ZNF320: variants seen among roughly 807,000 people sequenced by gnomAD.
ZNF320 encodes the protein zinc finger gene 320.
In ZNF320, 2 loss-of-function variants were observed where a neutral mutation model predicts 6.8. The observed-to-expected ratio is 0.29, with a 90% confidence interval of 0.12 to 0.93. ZNF320 has a LOEUF of 0.93. Among genes scored for constraint, ZNF320 ranks in the 40% least tolerant of loss-of-function variants. The pLI, the probability that ZNF320 is intolerant of heterozygous loss-of-function variation, is 0.55. For synonymous variants in ZNF320, 208 were observed against 203.2 expected, an observed-to-expected ratio of 1.02 and a Z score of -0.20; for missense variants, 472 against 611.0, an observed-to-expected ratio of 0.77 and a Z score of 2.40.
chr19:52,904,082 G>A, the ZNF320 span, among the ~76,000 whole-genome samples: 1 of 152,098 alleles, frequency 6.6e-6, no homozygotes, highest in African/African-American at 2.4e-5. Context: ...AGGTGGAGTG[G>A]GGCAAGTTCC....
At chr19:52,886,997 G>GGAAGGAAGGAAGGAAGGAAGGAAT (rs1491355437) in intron 5 of ZNF320, among the ~76,000 whole-genome samples, 1 of 78,852 alleles carries the variant, frequency 1.3e-5, no homozygotes, top group African/African-American at 5.3e-5. Context: ...AAGGAAGGAA[G>GGAAGGAAGGAAGGAAGGAAGGAAT]GAAGGAAGGA....
chr19:52,867,974 A>G (rs1395886375), intron 5 of ZNF320, among the ~76,000 whole-genome samples: 5 of 151,748 alleles, frequency 3.3e-5, no homozygotes, highest in East Asian at 2.0e-4. Context: ...CAAACTCCTC[A>G]CCTCAAGCAA....
intron 5 of ZNF320, among the ~76,000 whole-genome samples, chr19:52,867,074 C>T (rs2063588760): frequency 6.6e-6 from 1 of 151,566 alleles, no homozygotes; most frequent in Non-Finnish European, 1.5e-5. Context: ...TCAGAGAAAA[C>T]ATAGTATAAA....
Position 52,881,433 on chromosome 19 carries a change from G to T in ZNF320, c.693C>A (p.Thr231=), listed in dbSNP as rs757460093. 1 of 1,613,386 alleles carries T rather than the reference G, an allele frequency of 6.2e-7. No individual in the cohort carries two copies. The highest frequency in any genetic ancestry group is 1.7e-5 in the Admixed American group (1 of 59,928). The change falls in exon 6 of 6, where the codon ACC becomes ACA. Residue 231 remains threonine, a synonymous_variant. Transcript: ENST00000682928. ...TATGACTTCTATGATGACATGCAAG[G>T]GTTGCTTTTTGATCAAAAACCTTGC... ...ECGKVFDQKA[T]LACHHRSHTG...
At chr19:52,887,669 C>A (rs2064138482) in intron 5 of ZNF320, among the ~76,000 whole-genome samples, 2 of 152,170 alleles carry the variant, frequency 1.3e-5, no homozygotes, top group South Asian at 4.1e-4. Context: ...TCACTGCAAC[C>A]TTGGCCTCCT....
At chr19:52,892,291 C>CA in intron 2 of ZNF320, 1 of 152,200 alleles carries the variant, frequency 6.6e-6, no homozygotes, top group Non-Finnish European at 1.5e-5. Flanking sequence ...CACTTGAACC[C>CA]GGAGGCGGAG....
the ZNF320 span, among the ~76,000 whole-genome samples, chr19:52,903,245 A>T: frequency 2.0e-5 from 3 of 152,242 alleles, no homozygotes; most frequent in Non-Finnish European, 4.4e-5. Context: ...ACTTTTAGCA[A>T]ACTTCACTTT....
chr19:52,879,012 G>A lies in ZNF320; in HGVS notation c.*1584C>T, dbSNP rs1199929374. 2.0e-5 allele frequency: 3 copies of A among 152,132 alleles called. No individual in the cohort carries two copies. The East Asian group carries it at 5.8e-4, about 29-fold the overall frequency. The allele number at this position is 152,132 out of a possible 1,614,324, so 9.4% of individuals were successfully genotyped here. On this transcript the variant is annotated 3_prime_UTR_variant, in exon 6 of 6. Transcript: ENST00000682928. ...CATCGCAAATTTGATGTTTCTTCTTGTTTCAGTTTTAGCAGAATTTACATT... is the reference window on the plus strand; with the variant it reads ...CATCGCAAATTTGATGTTTCTTCTTATTTCAGTTTTAGCAGAATTTACATT...
At chr19:52,898,516 G>T (rs1254669009), upstream of ZNF320, among the ~76,000 whole-genome samples, 1 of 152,202 alleles carries the variant, frequency 6.6e-6, no homozygotes, top group East Asian at 1.9e-4. Flanking sequence ...CATTGACATT[G>T]TAACAGTGTG....
At chr19:52,862,455 C>G (rs1357386191) in exon 6 of ZNF320, 3 of 394,498 alleles carry the variant, frequency 7.6e-6, no homozygotes, top group Non-Finnish European at 1.5e-5. Context: ...TGATGAACTG[C>G]AAGGTATGAA....
upstream of ZNF320, among the ~76,000 whole-genome samples, chr19:52,902,454 G>A (rs186063292): frequency 1.2e-3 from 182 of 152,336 alleles, 1 homozygote; most frequent in African/African-American, 4.0e-3. Flanking sequence ...AATTGCTTTT[G>A]TTTAATGTGC....
At chr19:52,897,216 C>A (rs1281520501) in intron 1 of ZNF320, among the ~76,000 whole-genome samples, 1 of 152,174 alleles carries the variant, frequency 6.6e-6, no homozygotes, top group African/African-American at 2.4e-5. Flanking sequence ...AGCGACGGAG[C>A]CTTCGGACAG....
At chr19:52,870,572 T>C (rs1245182511) in intron 5 of ZNF320, among the ~76,000 whole-genome samples, 3 of 151,316 alleles carry the variant, frequency 2.0e-5, no homozygotes, top group South Asian at 2.1e-4. Context: ...ACATAAACCA[T>C]AGGTTTATCC....
intron 1 of ZNF320, among the ~76,000 whole-genome samples, chr19:52,896,564 C>T (rs1384747186): frequency 2.6e-5 from 4 of 152,134 alleles, no homozygotes; most frequent in South Asian, 2.1e-4. Flanking sequence ...CAAAAATTAG[C>T]GCGGTGTGGT....
chr19:52,864,330 CCATGAGAGATTT>C (rs1281597669), intron 5 of ZNF320, among the ~76,000 whole-genome samples: 3 of 152,166 alleles, frequency 2.0e-5, no homozygotes, highest in African/African-American at 7.2e-5. Flanking sequence ...TTGTACTTTT[CCATGAGAGATTT>C]CAAGATCCCC....
downstream of ZNF320, among the ~76,000 whole-genome samples, chr19:52,871,308 A>G (rs1426433461): frequency 6.6e-6 from 1 of 152,076 alleles, no homozygotes. Flanking sequence ...CCACAGAGCG[A>G]TATTTTCTCC....
At chr19:52,900,756 T>G (rs2064568727), upstream of ZNF320, among the ~76,000 whole-genome samples, 1 of 152,126 alleles carries the variant, frequency 6.6e-6, no homozygotes, top group Non-Finnish European at 1.5e-5. Flanking sequence ...TGATTATCAA[T>G]TTTAAAAGGC....
chr19:52,902,639 T>A (rs1029702763), upstream of ZNF320, among the ~76,000 whole-genome samples: 5 of 152,244 alleles, frequency 3.3e-5, no homozygotes, highest in Admixed American at 1.3e-4. Flanking sequence ...CATTTTATAT[T>A]TAATAATGCT....
chr19:52,874,171 A>T (rs1214850115), downstream of ZNF320: 1 of 217,830 alleles, frequency 4.6e-6, no homozygotes, highest in East Asian at 1.5e-4. Context: ...GGAGAAAGAC[A>T]GCCCTCTGCT....
Sources: allele counts gnomAD v4.1 joint callset (sites outside exome capture counted in the v4.1 genomes callset), GRCh38; gene constraint gnomAD v4.1.1; transcripts MANE v1.5; gene names NCBI Gene and HGNC (gene_info 2026-07-23, HGNC 2026-07-21).